TBX15: variants seen among roughly 807,000 people sequenced by gnomAD.
TBX15 encodes the protein T-box transcription factor 15.
A neutral mutation model predicts 53.9 loss-of-function variants in TBX15; 18 were observed. The observed-to-expected ratio is 0.33, with a 90% CI of 0.23 to 0.49. TBX15 has a LOEUF of 0.49. Among genes scored for constraint, TBX15 ranks in the 20% least tolerant of loss-of-function variants. TBX15 has a pLI of 0.98. For synonymous variants in TBX15, 295 were observed against 278.0 expected (o/e 1.06, Z -0.61); for missense variants, 692 against 749.5 (o/e 0.92, Z 0.90).
At chr1:118,932,845 G>C (rs1655844782) in intron 1 of TBX15, among the ~76,000 whole-genome samples, 1 of 152,168 alleles carries the variant, frequency 6.6e-6, no homozygotes, top group South Asian at 2.1e-4. Context: ...AGATTATCTA[G>C]TATAATTTTC....
At chr1:118,899,624 G>C (rs1654554250) in intron 6 of TBX15, among the ~76,000 whole-genome samples, 1 of 152,164 alleles carries the variant, frequency 6.6e-6, no homozygotes, top group African/African-American at 2.4e-5. Context: ...AATCAACAGA[G>C]ATGAATAGGG....
intron 1 of TBX15, among the ~76,000 whole-genome samples, chr1:118,975,703 A>T (rs1657400714): frequency 6.6e-6 from 1 of 152,240 alleles, no homozygotes; most frequent in Non-Finnish European, 1.5e-5. Flanking sequence ...GCAATGAGAG[A>T]ATGTGAATAA....
chr1:118,936,093 C>T (rs1655956881), intron 1 of TBX15, among the ~76,000 whole-genome samples: 1 of 152,126 alleles, frequency 6.6e-6, no homozygotes, highest in African/African-American at 2.4e-5. Context: ...TTGATCTTGG[C>T]CAAGTCACAT....
At chr1:118,925,317 T>A (rs1272170313) in intron 3 of TBX15, among the ~76,000 whole-genome samples, 1 of 152,220 alleles carries the variant, frequency 6.6e-6, no homozygotes, top group Non-Finnish European at 1.5e-5. Context: ...TGCAGAGCCC[T>A]CCCAAGCCTC....
chr1:118,952,652 C>T (rs1179779023), intron 1 of TBX15, among the ~76,000 whole-genome samples: 1 of 152,148 alleles, frequency 6.6e-6, no homozygotes, highest in Non-Finnish European at 1.5e-5. Context: ...GCTCTAAATA[C>T]CTACAGAGGC....
In TBX15 at chr1:118,987,980, A is replaced by C. The variant is rs1276178926; in HGVS notation, c.-185T>G. ...GTCCTCCTCCGCCCTCCTCTGCCGG[A>C]TCCGACCTGCGCCCCTACGCTGGCC... is the stretch of plus-strand genomic sequence containing the variant. On this transcript the variant is annotated 5_prime_UTR_variant, in exon 1 of 8. Coordinates refer to ENST00000369429, the MANE Select transcript of TBX15 (RefSeq NM_001330677.2). 2 of 736,588 alleles carry C rather than the reference A, an allele frequency of 2.7e-6. No individual in the cohort carries two copies. Among genetic ancestry groups the C allele is most frequent in the Non-Finnish European group, 4.3e-6 (2 of 462,816 alleles). The allele number at this position is 736,588 out of a possible 1,614,324, so 45.6% of individuals were successfully genotyped here.
intron 6 of TBX15, among the ~76,000 whole-genome samples, chr1:118,902,178 A>G (rs1654653707): frequency 6.6e-6 from 1 of 152,136 alleles, no homozygotes; most frequent in African/African-American, 2.4e-5. Flanking sequence ...TTATGTATTC[A>G]GTGTGTATTG....
At chr1:118,987,440 G>C in intron 1 of TBX15, 151 bp downstream of exon 1, 1 of 1,010,898 alleles carries the variant, frequency 9.9e-7, no homozygotes, top group South Asian at 1.7e-5. Flanking sequence ...AATTTAGGGA[G>C]GCTCAGGGCA....
chr1:118,899,048 G>A lies in TBX15; in HGVS notation c.1004C>T (p.Thr335Ile), dbSNP rs1233821135. The A allele has an allele frequency of 6.2e-7, 1 of 1,613,640 alleles. No individual in the cohort carries two copies. Among genetic ancestry groups the A allele is most frequent in the South Asian group, 1.1e-5 (1 of 91,078 alleles). Residue 335 changes from threonine (T) to isoleucine (I), a missense_variant, in exon 7 of 8, where the codon ACC becomes ATC. Thr to Ile is a moderately conservative substitution (Grantham distance 89, BLOSUM62 -1). Around this residue, in one of 3 missense-constraint regions of TBX15, gnomAD observed 375 missense variants for 371.6 expected, o/e 1.01. Transcript: ENST00000369429. Reference sequence around the variant, plus strand: ...TTTACCTTGCTGCTTCTGCATGGTGGTGAAGTCTTCGAAGGTGAGTGTGCG... The same window carrying A: ...TTTACCTTGCTGCTTCTGCATGGTGATGAAGTCTTCGAAGGTGAGTGTGCG... ...PVRTLTFEDF[T>I]TMQKQQGGST...
chr1:118,962,476 A>G (rs1656912923), intron 1 of TBX15, among the ~76,000 whole-genome samples: 1 of 152,180 alleles, frequency 6.6e-6, no homozygotes, highest in Admixed American at 6.5e-5. Context: ...CCCCTTCTGT[A>G]TTTAAATGAC....
intron 1 of TBX15, among the ~76,000 whole-genome samples, chr1:118,935,728 C>T (rs916045441): frequency 2.0e-5 from 3 of 152,162 alleles, no homozygotes; most frequent in South Asian, 2.1e-4. Flanking sequence ...AAAATGAATG[C>T]TGTAACACTA....
chr1:118,884,762 G>A lies in TBX15; in HGVS notation c.1779C>T (p.Ser593=), dbSNP rs908099540. 2 of 1,614,000 alleles carry A rather than the reference G, an allele frequency of 1.2e-6. No homozygotes were observed. The highest frequency in any genetic ancestry group is 1.3e-5 in the African/African-American group (1 of 74,898). ...DGRQYGAVPG[S]SSQMSVHMV is the part of the protein sequence containing the mutation. ...CCATGTGCACGGACATCTGGGAGGAGGAGCCTGGAACTGCCCCATACTGCC... is the reference window on the plus strand; with the variant it reads ...CCATGTGCACGGACATCTGGGAGGAAGAGCCTGGAACTGCCCCATACTGCC... Residue 593 remains serine, a synonymous_variant, in exon 8 of 8, where the codon TCC becomes TCT. Transcript: ENST00000369429.
intron 1 of TBX15, among the ~76,000 whole-genome samples, chr1:118,953,679 T>A (rs1351692827): frequency 6.6e-6 from 1 of 152,240 alleles, no homozygotes; most frequent in Non-Finnish European, 1.5e-5. Context: ...ACCAACACTT[T>A]ATACACAGGA....
chr1:118,987,588 C>T lies in TBX15; in HGVS notation c.205+3G>A. 1 of 1,545,320 alleles carries T rather than the reference C, an allele frequency of 6.5e-7. No homozygotes were observed. Among genetic ancestry groups the T allele is most frequent in the Non-Finnish European group, 8.7e-7 (1 of 1,146,038 alleles). On this transcript the variant is annotated splice_donor_region_variant and intron_variant, in intron 1 of 7. Transcript: ENST00000369429. ...CTCCCGCGGTCGGCTGCGACGCACT[C>T]ACCCGGGTGAGGCTCCAGGCCGTGT... is the stretch of plus-strand genomic sequence containing the variant.
chr1:118,977,043 A>G (rs763906395), intron 1 of TBX15, among the ~76,000 whole-genome samples: 1 of 152,206 alleles, frequency 6.6e-6, no homozygotes, highest in Non-Finnish European at 1.5e-5. Context: ...TCCTTTAGTG[A>G]ACACATTTAT....
chr1:118,891,712 G>T (rs1234817172), intron 7 of TBX15, among the ~76,000 whole-genome samples: 1 of 152,172 alleles, frequency 6.6e-6, no homozygotes, highest in Non-Finnish European at 1.5e-5. Context: ...TAGGGCCAGG[G>T]GTTCTGGTAA....
chr1:118,929,419 G>A (rs971941989), intron 2 of TBX15, among the ~76,000 whole-genome samples: 1 of 152,206 alleles, frequency 6.6e-6, no homozygotes, highest in Non-Finnish European at 1.5e-5. Context: ...CCAGGAGAAT[G>A]AGAAGGAATG....
chr1:118,893,356 G>GGAAGGAAGGAAAGAAAGAAAGAAA (rs1409523115), intron 7 of TBX15, among the ~76,000 whole-genome samples: 1 of 51,058 alleles, frequency 2.0e-5, no homozygotes, highest in Non-Finnish European at 3.3e-5. Flanking sequence ...AAGGAAGGAA[G>GGAAGGAAGGAAAGAAAGAAAGAAA]GAAAGAAAGA....
upstream of TBX15, chr1:118,988,423 G>A (rs1657919179): frequency 1.3e-5 from 2 of 152,542 alleles, no homozygotes; most frequent in African/African-American, 2.4e-5. Context: ...CCGAGAGCGC[G>A]AACCAATGAG....
Sources: gnomAD v4.1 joint callset for allele counts (sites outside exome capture counted in the v4.1 genomes callset) on GRCh38, gnomAD v4.1.1 for gene constraint, gnomAD v4.1.1 regional missense constraint, MANE v1.5 for transcripts, NCBI Gene and HGNC (gene_info 2026-07-23, HGNC 2026-07-21) for gene names.